The following ANKRD34C variants were observed in gnomAD, a reference collection of about 807,000 sequenced individuals.
ANKRD34C encodes the protein ankyrin repeat domain 34C, also known as ankyrin repeat domain-containing protein 34C.
For missense variants in ANKRD34C, 563 were observed against 653.0 expected, an observed-to-expected ratio of 0.86 and a Z score of 1.50; for synonymous variants, 260 against 253.6, an observed-to-expected ratio of 1.03 and a Z score of -0.24.
rs1218815531 is a variant in ANKRD34C at position 79,296,501 on chromosome 15, T to C, written c.*1609T>C. 6.0e-6 allele frequency: 1 copy of C among 167,076 alleles called. No homozygotes were observed. The highest frequency in any genetic ancestry group is 1.9e-4 in the East Asian group (1 of 5,206). The allele number at this position is 167,076 out of a possible 1,614,324, so 10.3% of individuals were successfully genotyped here. On this transcript the variant is annotated 3_prime_UTR_variant, in exon 2 of 2. Coordinates refer to ENST00000421388, the MANE Select transcript of ANKRD34C (RefSeq NM_001146341.2). ...AAGTTTCTCTGGAAAAGTTCAAGTA[T>C]CTCTATGAGATCCCCAGTTATTTTT...
intron 1 of ANKRD34C, among the ~76,000 whole-genome samples, chr15:79,290,874 G>A (rs1037646286): frequency 6.6e-6 from 1 of 152,154 alleles, no homozygotes; most frequent in Non-Finnish European, 1.5e-5. Context: ...CTACCAACAG[G>A]TTCCTGTTGC....
At position 79,282,755 on chromosome 15, in the gene ANKRD34C, CTCTCG is replaced by C. The variant is rs1450134086; in HGVS notation, c.-517_-513del. On this transcript the variant is annotated 5_prime_UTR_variant, in exon 1 of 2. Transcript: ENST00000421388. ...CTCGCCCGTCGCGGCTGGAGAGCTG[CTCTCG>C]GCGCCAGCGGGCAGCAGCGCGTCGT... Among the ~76,000 whole-genome samples, 1 of 152,230 alleles carries C rather than the reference CTCTCG, an allele frequency of 6.6e-6. No individual in the cohort carries two copies.
At position 79,291,589 on chromosome 15, in the gene ANKRD34C, CACACACACACACAGAGAGAGAG is replaced by C. The variant is rs1172157243; in HGVS notation, c.-44-1650_-44-1629del. Among the ~76,000 whole-genome samples, 9 of 118,488 alleles carry C rather than the reference CACACACACACACAGAGAGAGAG, an allele frequency of 7.6e-5. No individual in the cohort carries two copies. In the East Asian group the frequency reaches 1.6e-3, roughly 20 times the overall value. The allele number at this position is 118,488 out of a possible 152,430, so 77.7% of individuals were successfully genotyped here. On this transcript the variant is annotated intron_variant, in intron 1 of 1. Coordinates refer to ENST00000421388, the MANE Select transcript of ANKRD34C (RefSeq NM_001146341.2). ...ACACACACACACACACACACACACA[CACACACACACACAGAGAGAGAG>C]AGAGAGAGAGAGAGAGAGAGATCAG...
rs998144050 is a variant in ANKRD34C at position 79,295,459 on chromosome 15, C to T, written c.*567C>T. Reference sequence around the variant, plus strand: ...CTGTAAATCATGGTGTGGTTGAACTCGTTCAGTAATCCAGTAATATATTTT... The same window carrying T: ...CTGTAAATCATGGTGTGGTTGAACTTGTTCAGTAATCCAGTAATATATTTT... On this transcript the variant is annotated 3_prime_UTR_variant, in exon 2 of 2. Transcript: ENST00000421388. The T allele has an allele frequency of 3.6e-5, 6 of 167,444 alleles. No individual in the cohort carries two copies. Among genetic ancestry groups the T allele is most frequent in the African/African-American group, 7.2e-5 (3 of 41,402 alleles). The allele number at this position is 167,444 out of a possible 1,614,324, so 10.4% of individuals were successfully genotyped here.
At chr15:79,291,597 C>CAGAGAG (rs1410785595) in intron 1 of ANKRD34C, among the ~76,000 whole-genome samples, 3 of 111,662 alleles carry the variant, frequency 2.7e-5, no homozygotes, top group East Asian at 6.0e-4. Flanking sequence ...CACACACACA[C>CAGAGAG]ACACAGAGAG....
Position 79,294,116 on chromosome 15 carries a change from G to C in ANKRD34C, c.832G>C (p.Asp278His). 6.4e-7 allele frequency: 1 copy of C among 1,551,560 alleles called. No individual in the cohort carries two copies. Among genetic ancestry groups the C allele is most frequent in the Non-Finnish European group, 8.7e-7 (1 of 1,147,002 alleles). ...RQDETHGAST[D>H]NEVIKSISDI... ...GGATGAGACCCATGGTGCCAGCACA[G>C]ACAACGAGGTCATCAAGAGCATCAG... Residue 278 changes from aspartate to histidine, a missense_variant, in exon 2 of 2, where the codon GAC (aspartate) becomes CAC (histidine). Coordinates refer to ENST00000421388, the MANE Select transcript of ANKRD34C (RefSeq NM_001146341.2).
chr15:79,292,254 C>T (rs1389267574), intron 1 of ANKRD34C, among the ~76,000 whole-genome samples: 1 of 152,170 alleles, frequency 6.6e-6, no homozygotes, highest in Non-Finnish European at 1.5e-5. Context: ...GCTGGCAGGG[C>T]ATCAAGACTG....
intron 1 of ANKRD34C, among the ~76,000 whole-genome samples, chr15:79,288,812 CTTTTTTTTTT>C (rs60075615): frequency 7.2e-5 from 4 of 55,536 alleles, no homozygotes; most frequent in African/African-American, 2.9e-4. Context: ...GCCCAGTATT[CTTTTTTTTTT>C]TTTTTTTTTT....
intron 1 of ANKRD34C, among the ~76,000 whole-genome samples, chr15:79,285,131 G>A (rs1366443507): frequency 6.6e-6 from 1 of 152,216 alleles, no homozygotes; most frequent in Non-Finnish European, 1.5e-5. Flanking sequence ...GGTGAAACAA[G>A]ATTAAGGCTA....
chr15:79,283,132 G>A lies in ANKRD34C; in HGVS notation c.-141G>A, dbSNP rs2058633200. Among the ~76,000 whole-genome samples, 1 of 152,244 alleles carries A rather than the reference G, an allele frequency of 6.6e-6. No individual in the cohort carries two copies. Among genetic ancestry groups the A allele is most frequent in the Non-Finnish European group, 1.5e-5 (1 of 68,046 alleles). ...GGCAGCCAACCCGCAGCTGCAGGTA[G>A]GGGTGCTGGACGCCCCCTGATTTTG... is the stretch of plus-strand genomic sequence containing the variant. On this transcript the variant is annotated 5_prime_UTR_variant, in exon 1 of 2. Coordinates refer to ENST00000421388, the MANE Select transcript of ANKRD34C (RefSeq NM_001146341.2).
chr15:79,292,240 G>T (rs1016007111), intron 1 of ANKRD34C, among the ~76,000 whole-genome samples: 3 of 152,290 alleles, frequency 2.0e-5, no homozygotes, highest in Admixed American at 6.5e-5. Flanking sequence ...TGTGGTACCC[G>T]TGGGCTGGCA....
At chr15:79,290,335 T>C (rs1451975125) in intron 1 of ANKRD34C, among the ~76,000 whole-genome samples, 2 of 152,178 alleles carry the variant, frequency 1.3e-5, no homozygotes, top group African/African-American at 4.8e-5. Flanking sequence ...TATTTTCTTC[T>C]TGATGGGTTG....
chr15:79,292,762 C>CCAA (rs1209133960), intron 1 of ANKRD34C, among the ~76,000 whole-genome samples: 1 of 152,206 alleles, frequency 6.6e-6, no homozygotes, highest in Non-Finnish European at 1.5e-5. Flanking sequence ...TTGATGTGCA[C>CCAA]CAACAACAAC....
intron 1 of ANKRD34C, among the ~76,000 whole-genome samples, chr15:79,289,108 C>G (rs537851989): frequency 6.6e-6 from 1 of 152,304 alleles, no homozygotes; most frequent in South Asian, 2.1e-4. Context: ...GCGTGAGCCA[C>G]CGTGCCTGGA....
At position 79,294,820 on chromosome 15, in the gene ANKRD34C, G is replaced by A. The variant is rs905472853; in HGVS notation, c.1536G>A (p.Lys512=). Residue 512 remains lysine (K), a synonymous_variant, in exon 2 of 2, where the codon AAG becomes AAA. Coordinates refer to ENST00000421388, the MANE Select transcript of ANKRD34C (RefSeq NM_001146341.2). Reference sequence around the variant, plus strand: ...GAGTTGACTTAAGAAGTAAAAAGAAGCTCCTCAGAAGGCATTCTATGCAAA... The same window carrying A: ...GAGTTGACTTAAGAAGTAAAAAGAAACTCCTCAGAAGGCATTCTATGCAAA... ...PKRVDLRSKK[K]LLRRHSMQIE... 21 of 1,551,350 alleles carry A rather than the reference G, an allele frequency of 1.4e-5. No homozygotes were observed. The Admixed American group carries it at 2.4e-4, about 17-fold the overall frequency.
At chr15:79,292,631 C>G (rs2058662557) in intron 1 of ANKRD34C, among the ~76,000 whole-genome samples, 1 of 152,158 alleles carries the variant, frequency 6.6e-6, no homozygotes, top group South Asian at 2.1e-4. Flanking sequence ...TCATCAACCC[C>G]CATTACAATA....
chr15:79,285,232 G>T (rs12910702), intron 1 of ANKRD34C, among the ~76,000 whole-genome samples: 1 of 152,166 alleles, frequency 6.6e-6, no homozygotes, highest in Non-Finnish European at 1.5e-5. Context: ...GTATAACCAA[G>T]CACTTTCTTG....
chr15:79,294,797 G>T lies in ANKRD34C; in HGVS notation c.1513G>T (p.Val505Phe), dbSNP rs1201157133. The T allele has an allele frequency of 8.4e-6, 13 of 1,551,582 alleles. No homozygotes were observed. The highest frequency in any genetic ancestry group is 1.2e-5 in the South Asian group (1 of 84,062). The change falls in exon 2 of 2, where the codon GTT becomes TTT. Residue 505 changes from valine (V) to phenylalanine (F), a missense_variant. Coordinates refer to ENST00000421388, the MANE Select transcript of ANKRD34C (RefSeq NM_001146341.2). ...VPVAPSSPKR[V>F]DLRSKKKLLR... ...TGTTGCTCCAAGTTCACCAAAGAGAGTTGACTTAAGAAGTAAAAAGAAGCT... is the reference window on the plus strand; with the variant it reads ...TGTTGCTCCAAGTTCACCAAAGAGATTTGACTTAAGAAGTAAAAAGAAGCT...
Position 79,294,194 on chromosome 15 carries a change from A to C in ANKRD34C, c.910A>C (p.Ser304Arg). 6.4e-7 allele frequency: 1 copy of C among 1,551,638 alleles called. No homozygotes were observed. Among genetic ancestry groups the C allele is most frequent in the Non-Finnish European group, 8.7e-7 (1 of 1,146,966 alleles). Residue 304 changes from serine to arginine, a missense_variant, in exon 2 of 2, where the codon AGC becomes CGC. By Grantham distance (110) the Ser-to-Arg change is moderately radical. Coordinates refer to ENST00000421388, the MANE Select transcript of ANKRD34C (RefSeq NM_001146341.2). ...CCTCTCCAGAACCAACAGTATCGAT[A>C]GCAAAGACCCCACCCTCTTTCACAC... ...GPLSRTNSIDSKDPTLFHTVT... is the reference protein window; with the variant it reads ...GPLSRTNSIDRKDPTLFHTVT...
Sources: gnomAD v4.1 joint callset for allele counts (sites outside exome capture counted in the v4.1 genomes callset) on GRCh38, gnomAD v4.1.1 for gene constraint, MANE v1.5 for transcripts, NCBI Gene and HGNC (gene_info 2026-07-23, HGNC 2026-07-21) for gene names.